The following CDH9 variants were observed in gnomAD, a reference collection of about 807,000 sequenced individuals.
CDH9 encodes the protein cadherin-9.
Under a neutral mutation model 70.9 loss-of-function variants are expected in CDH9, and 28 were observed. The observed-to-expected ratio is 0.40, with a 90% CI of 0.29 to 0.54. The LOEUF is 0.54. Ranked by LOEUF, CDH9 falls within the 20% of genes least tolerant of loss-of-function variation. The probability of loss-of-function intolerance (pLI) is 0.59; values close to 1 mark genes in which losing one functional copy is unlikely to be tolerated. For missense variants in CDH9, 874 were observed against 984.4 expected (o/e 0.89, Z 1.50); for synonymous variants, 409 against 343.1 (o/e 1.19, Z -2.12).
chr5:27,037,290 T>C (rs909086682), intron 1 of CDH9, among the ~76,000 whole-genome samples: 14 of 151,828 alleles, frequency 9.2e-5, no homozygotes, highest in Non-Finnish European at 1.9e-4. Context: ...TTTAGAAACC[T>C]TGTGAAAAAA....
intron 3 of CDH9, among the ~76,000 whole-genome samples, chr5:26,909,094 C>T (rs1741001504): frequency 6.6e-6 from 1 of 152,140 alleles, no homozygotes; most frequent in African/African-American, 2.4e-5. Context: ...CGCCATTCTC[C>T]TGCCTCAGCC....
intron 1 of CDH9, among the ~76,000 whole-genome samples, chr5:26,992,024 T>C (rs1039743900): frequency 6.6e-6 from 1 of 152,170 alleles, no homozygotes; most frequent in African/African-American, 2.4e-5. Flanking sequence ...TACAGATGAA[T>C]ATATAAATGC....
At position 26,889,702 on chromosome 5, in the gene CDH9, T is replaced by C. The variant is rs370692561; in HGVS notation, c.1512+134A>G. 84 of 551,920 alleles carry C rather than the reference T, an allele frequency of 1.5e-4. 1 individual carries two copies. In the East Asian group the frequency reaches 2.0e-3, roughly 13 times the overall value. The allele number at this position is 551,920 out of a possible 1,614,324, so 34.2% of individuals were successfully genotyped here. On this transcript the variant is annotated intron_variant, in intron 9 of 11. Coordinates refer to ENST00000231021, the MANE Select transcript of CDH9 (RefSeq NM_016279.4). Reference sequence around the variant, plus strand: ...TTAAAAAATCACTGTGAGTTCTTTGTTAAGGATAAATGGTGGACAAGAAGT... The same window carrying C: ...TTAAAAAATCACTGTGAGTTCTTTGCTAAGGATAAATGGTGGACAAGAAGT...
chr5:26,972,576 G>A (rs1946473), intron 2 of CDH9, among the ~76,000 whole-genome samples: 71,471 of 151,886 alleles, frequency 0.47, 17,648 homozygotes, highest in Non-Finnish European at 0.53. Context: ...CCACTTTTCA[G>A]TCTGAGTTTG....
At chr5:27,012,547 C>T (rs2112116579) in intron 1 of CDH9, among the ~76,000 whole-genome samples, 1 of 152,062 alleles carries the variant, frequency 6.6e-6, no homozygotes, top group East Asian at 1.9e-4. Context: ...TAGCAATCAC[C>T]ATGGTAATGC....
chr5:26,958,876 C>A (rs1003978597), intron 2 of CDH9, among the ~76,000 whole-genome samples: 2 of 151,936 alleles, frequency 1.3e-5, no homozygotes, highest in East Asian at 3.9e-4. Flanking sequence ...AGATCAATGG[C>A]CTATGTTTAA....
At chr5:26,999,194 G>A (rs767053486) in intron 1 of CDH9, among the ~76,000 whole-genome samples, 14 of 151,936 alleles carry the variant, frequency 9.2e-5, no homozygotes, top group Non-Finnish European at 1.5e-4. Flanking sequence ...GCAGTGAGCC[G>A]AGATCATGCC....
intron 2 of CDH9, among the ~76,000 whole-genome samples, chr5:26,958,784 A>C (rs1741987855): frequency 6.6e-6 from 1 of 152,184 alleles, no homozygotes; most frequent in African/African-American, 2.4e-5. Context: ...TTATCTAATA[A>C]AAAGCATGCA....
intron 1 of CDH9, among the ~76,000 whole-genome samples, chr5:27,022,493 A>G (rs1370095714): frequency 1.3e-5 from 2 of 152,132 alleles, no homozygotes; most frequent in East Asian, 3.9e-4. Flanking sequence ...GCATAAACAT[A>G]TATAACGAGT....
chr5:26,911,766 C>A (rs1226559874), intron 3 of CDH9, among the ~76,000 whole-genome samples: 1 of 151,990 alleles, frequency 6.6e-6, no homozygotes, highest in African/African-American at 2.4e-5. Context: ...TGTATATCTT[C>A]CAGATTATAT....
At chr5:27,021,906 T>C (rs1295254653) in intron 1 of CDH9, among the ~76,000 whole-genome samples, 4 of 151,988 alleles carry the variant, frequency 2.6e-5, no homozygotes, top group Non-Finnish European at 5.9e-5. Flanking sequence ...AATTTACCTA[T>C]AAATAATTAA....
At chr5:26,988,012 T>C in intron 2 of CDH9, 94 bp downstream of exon 2, 1 of 815,566 alleles carries the variant, frequency 1.2e-6, no homozygotes, top group Non-Finnish European at 1.9e-6. Flanking sequence ...TAGTTAAATA[T>C]TTTTTAATAA....
At chr5:27,010,659 G>A (rs905607560) in intron 1 of CDH9, among the ~76,000 whole-genome samples, 2 of 151,550 alleles carry the variant, frequency 1.3e-5, no homozygotes, top group African/African-American at 4.9e-5. Context: ...TTACACCTTC[G>A]AGAAAAATTC....
intron 2 of CDH9, among the ~76,000 whole-genome samples, chr5:26,935,025 A>T (rs1193390662): frequency 6.6e-6 from 1 of 152,146 alleles, no homozygotes; most frequent in Non-Finnish European, 1.5e-5. Flanking sequence ...AGTGTATACA[A>T]ATAATTACAA....
chr5:26,885,568 A>G, intron 11 of CDH9, 46 bp downstream of exon 11: 1 of 1,536,794 alleles, frequency 6.5e-7, no homozygotes, highest in Non-Finnish European at 9.0e-7. Flanking sequence ...ACAGTGAGGG[A>G]GAGATTTTTG....
chr5:27,005,452 C>G (rs531050721), intron 1 of CDH9, among the ~76,000 whole-genome samples: 3 of 152,100 alleles, frequency 2.0e-5, no homozygotes, highest in African/African-American at 7.2e-5. Context: ...AAATACAAAT[C>G]AAAACCACAA....
chr5:26,993,698 C>CAAAAAAAAAAAA (rs34545141), intron 1 of CDH9, among the ~76,000 whole-genome samples: 1 of 51,004 alleles, frequency 2.0e-5, no homozygotes, highest in African/African-American at 8.4e-5. Flanking sequence ...TATTCAGCTG[C>CAAAAAAAAAAAA]AAAAAAAAAA....
chr5:26,994,551 G>T (rs747338703), intron 1 of CDH9, among the ~76,000 whole-genome samples: 12 of 151,344 alleles, frequency 7.9e-5, no homozygotes, highest in Non-Finnish European at 1.6e-4. Flanking sequence ...TTGTTTGTTT[G>T]TTTGTTTGTT....
At position 26,975,725 on chromosome 5, in the gene CDH9, T is replaced by C. The variant is rs200691044; in HGVS notation, c.228+12381A>G. On this transcript the variant is annotated intron_variant, in intron 2 of 11. Transcript: ENST00000231021. ...CAGATAGACAAAAATTTATTGACAC[T>C]GGCCACCAACCAAAGAGGAAGAACT... Among the ~76,000 whole-genome samples, 7 of 152,332 alleles carry C rather than the reference T, an allele frequency of 4.6e-5. No homozygotes were observed. In the East Asian group the frequency reaches 1.4e-3, roughly 29 times the overall value.
Sources: gnomAD v4.1 joint callset for allele counts (sites outside exome capture counted in the v4.1 genomes callset) on GRCh38, gnomAD v4.1.1 for gene constraint, MANE v1.5 for transcripts, NCBI Gene and HGNC (gene_info 2026-07-23, HGNC 2026-07-21) for gene names.